PPP1R7: variants seen among roughly 807,000 people sequenced by gnomAD.
The protein encoded by PPP1R7 is protein phosphatase 1 regulatory subunit 22.
A neutral mutation model predicts 45.2 loss-of-function variants in PPP1R7; 18 were observed. That is an observed-to-expected ratio of 0.40 (90% CI 0.28 to 0.59). The LOEUF (loss-of-function observed/expected upper bound fraction) is 0.59. Ranked by LOEUF, PPP1R7 falls within the 20% of genes least tolerant of loss-of-function variation. PPP1R7 has a pLI of 0.46. For synonymous variants in PPP1R7, 181 were observed against 183.4 expected, an observed-to-expected ratio of 0.99 and a Z score of 0.11; for missense variants, 314 against 455.8, an observed-to-expected ratio of 0.69 and a Z score of 2.83.
intron 9 of PPP1R7, among the ~76,000 whole-genome samples, chr2:241,174,204 C>T (rs1008092605): frequency 6.6e-6 from 1 of 152,082 alleles, no homozygotes; most frequent in African/African-American, 2.4e-5. Context: ...GAAGCTGTGG[C>T]CCTCCTAGGA....
intron 9 of PPP1R7, among the ~76,000 whole-genome samples, chr2:241,181,606 C>G (rs903292597): frequency 3.3e-5 from 5 of 152,090 alleles, no homozygotes; most frequent in Non-Finnish European, 5.9e-5. Context: ...TGCAGGGACC[C>G]CCCAGTCGGA....
chr2:241,174,328 A>G (rs2067871992), intron 9 of PPP1R7, among the ~76,000 whole-genome samples: 1 of 152,172 alleles, frequency 6.6e-6, no homozygotes, highest in Non-Finnish European at 1.5e-5. Flanking sequence ...GCTGCTTAGT[A>G]GTTCTTCGAC....
At chr2:241,176,006 G>A (rs1277832849) in intron 9 of PPP1R7, among the ~76,000 whole-genome samples, 12 of 152,280 alleles carry the variant, frequency 7.9e-5, no homozygotes, top group Non-Finnish European at 1.8e-4. Context: ...TCAAACTCCT[G>A]ACCTCAGGTA....
chr2:241,175,878 A>G (rs1028302205), intron 9 of PPP1R7, among the ~76,000 whole-genome samples: 6 of 152,230 alleles, frequency 3.9e-5, no homozygotes, highest in African/African-American at 1.2e-4. Flanking sequence ...TTCCAGGTTC[A>G]AACGATTCTC....
In PPP1R7 at chr2:241,177,332, G is replaced by A. The variant is rs551461403; in HGVS notation, c.907-5315G>A. 1.9e-4 allele frequency among the ~76,000 whole-genome samples: 29 copies of A among 152,160 alleles called. No homozygotes were observed. In the South Asian group the frequency reaches 4.1e-3, roughly 22 times the overall value. On this transcript the variant is annotated intron_variant, in intron 9 of 9. Coordinates refer to ENST00000234038, the MANE Select transcript of PPP1R7 (RefSeq NM_002712.3). ...CTCGGGAGGCTGAGGCAGGAGAATC[G>A]CTTGAACCTGGGAGGCAGAGGTTGC...
intron 7 of PPP1R7, among the ~76,000 whole-genome samples, chr2:241,166,041 T>G (rs2067700831): frequency 6.7e-6 from 1 of 149,290 alleles, no homozygotes; most frequent in African/African-American, 2.4e-5. Context: ...TAGCTGGGAC[T>G]ACAGGCGCCC....
chr2:241,162,893 C>T (rs548621774), intron 6 of PPP1R7, among the ~76,000 whole-genome samples: 1 of 152,214 alleles, frequency 6.6e-6, no homozygotes, highest in African/African-American at 2.4e-5. Flanking sequence ...CCGTGTTAGC[C>T]AGGATGGTCT....
At chr2:241,160,941 ATCT>A (rs1575389975) in intron 6 of PPP1R7, among the ~76,000 whole-genome samples, 1 of 149,624 alleles carries the variant, frequency 6.7e-6, no homozygotes, top group Non-Finnish European at 1.5e-5. Flanking sequence ...GATCATGGTC[ATCT>A]TCTCTGGCAT....
chr2:241,160,207 C>A, intron 5 of PPP1R7, 125 bp from the exon 6 acceptor site: 1 of 642,876 alleles, frequency 1.6e-6, no homozygotes, highest in Non-Finnish European at 2.6e-6. Context: ...GAACCCCCCA[C>A]CCTCTCCCAC....
In PPP1R7 at chr2:241,159,246, A is replaced by T. The variant is rs988496635; in HGVS notation, c.337A>T (p.Ile113Phe). ...LCLRQNLIKC[I>F]ENLEELQSLR... Reference sequence around the variant, plus strand: ...CCTCCGCCAAAATTTAATTAAATGCATTGAGAATCTGGAGGAGCTACAGAG... The same window carrying T: ...CCTCCGCCAAAATTTAATTAAATGCTTTGAGAATCTGGAGGAGCTACAGAG... The change falls in exon 5 of 10, where the codon ATT becomes TTT. Residue 113 changes from isoleucine (I) to phenylalanine (F), a missense_variant. Around this residue, in one of 3 missense-constraint regions of PPP1R7, gnomAD observed 112 missense variants for 144.5 expected, o/e 0.78. Coordinates refer to ENST00000234038, the MANE Select transcript of PPP1R7 (RefSeq NM_002712.3). The T allele has an allele frequency of 6.2e-7, 1 of 1,613,626 alleles. No homozygotes were observed. Among genetic ancestry groups the T allele is most frequent in the African/African-American group, 1.3e-5 (1 of 74,892 alleles).
At chr2:241,180,509 C>T (rs148646333) in intron 9 of PPP1R7, among the ~76,000 whole-genome samples, 99 of 151,970 alleles carry the variant, frequency 6.5e-4, no homozygotes, top group African/African-American at 2.1e-3. Flanking sequence ...GCCTGCAGGC[C>T]GTGGGTTGGA....
intron 6 of PPP1R7, 89 bp downstream of exon 6, chr2:241,160,583 G>C (rs1254800589): frequency 6.2e-6 from 7 of 1,131,496 alleles, no homozygotes; most frequent in Non-Finnish European, 8.5e-6. Context: ...AGAATGCATG[G>C]TGAGTCTGCA....
At chr2:241,170,020 T>C in intron 9 of PPP1R7, 153 bp downstream of exon 9, 1 of 612,052 alleles carries the variant, frequency 1.6e-6, no homozygotes, top group Non-Finnish European at 2.9e-6. Context: ...TCTTGTAGAC[T>C]TGTATTGGGT....
At position 241,166,368 on chromosome 2, in the gene PPP1R7, A is replaced by G. The variant is rs763782969; in HGVS notation, c.746A>G (p.Gln249Arg). The G allele has an allele frequency of 6.2e-7, 1 of 1,614,048 alleles. No homozygotes were observed. The change falls in exon 8 of 10, where the codon CAG (glutamine) becomes CGG (arginine). Residue 249 changes from glutamine to arginine, a missense_variant. Physicochemically the swap from Gln to Arg is conservative, Grantham distance 43 (BLOSUM62 1). Coordinates refer to ENST00000234038, the MANE Select transcript of PPP1R7 (RefSeq NM_002712.3). Reference protein sequence around the residue: ...SNRLTKIEGLQNLVNLRELYL... With the variant: ...SNRLTKIEGLRNLVNLRELYL... ...CGGCTGACCAAGATCGAGGGTCTGC[A>G]GAACCTGGTGAACCTGCGGGAGCTG... is the stretch of plus-strand genomic sequence containing the variant.
chr2:241,163,429 C>T (rs2067638484), intron 7 of PPP1R7, 28 bp downstream of exon 7: 1 of 1,511,482 alleles, frequency 6.6e-7, no homozygotes, highest in Non-Finnish European at 9.2e-7. Context: ...CCGCCCTTCC[C>T]TGCGAGCCCT....
intron 9 of PPP1R7, among the ~76,000 whole-genome samples, chr2:241,179,290 G>A (rs1195226085): frequency 1.3e-5 from 2 of 152,186 alleles, no homozygotes; most frequent in Non-Finnish European, 1.5e-5. Flanking sequence ...CAAAGGGAAA[G>A]CATGTTCCCA....
intron 2 of PPP1R7, among the ~76,000 whole-genome samples, chr2:241,154,004 A>C (rs1235147557): frequency 6.6e-6 from 1 of 151,694 alleles, no homozygotes; most frequent in African/African-American, 2.4e-5. Flanking sequence ...ACATGGTGAA[A>C]CCCTGTCTCT....
chr2:241,164,091 A>G (rs745838255), intron 7 of PPP1R7, among the ~76,000 whole-genome samples: 3 of 151,836 alleles, frequency 2.0e-5, no homozygotes, highest in Admixed American at 1.3e-4. Context: ...TAATTTTTGT[A>G]TTTTATGTAG....
chr2:241,155,168 G>A (rs937349900), intron 2 of PPP1R7: 6 of 152,194 alleles, frequency 3.9e-5, no homozygotes, highest in Admixed American at 3.9e-4. Flanking sequence ...TGAGACATTG[G>A]GTGTTTATGG....
Sources: gnomAD v4.1 joint callset for allele counts (sites outside exome capture counted in the v4.1 genomes callset) on GRCh38, gnomAD v4.1.1 for gene constraint, gnomAD v4.1.1 regional missense constraint, MANE v1.5 for transcripts, NCBI Gene and HGNC (gene_info 2026-07-23, HGNC 2026-07-21) for gene names.